CDKAL1: variants seen among roughly 807,000 people sequenced by gnomAD.
The protein encoded by CDKAL1 is CDKAL1 threonylcarbamoyladenosine tRNA methylthiotransferase.
CDKAL1 carries 32 observed loss-of-function variants against 68.2 expected under a neutral mutation model. The ratio of observed to expected loss-of-function variants is 0.47; its 90% CI spans 0.35 to 0.63. The LOEUF (loss-of-function observed/expected upper bound fraction) is 0.63. Among genes scored for constraint, CDKAL1 ranks in the 30% least tolerant of loss-of-function variants. The probability of loss-of-function intolerance (pLI) is 0.00; values close to 1 mark genes in which losing one functional copy is unlikely to be tolerated. For synonymous variants in CDKAL1, 234 were observed against 244.3 expected (o/e 0.96, Z 0.39); for missense variants, 606 against 696.7 (o/e 0.87, Z 1.47).
chr6:20,983,170 A>T (rs925819676), intron 10 of CDKAL1, among the ~76,000 whole-genome samples: 14 of 152,168 alleles, frequency 9.2e-5, no homozygotes, highest in Admixed American at 5.9e-4. Flanking sequence ...TTGTTGCCTT[A>T]TAAAAAATAT....
intron 4 of CDKAL1, among the ~76,000 whole-genome samples, chr6:20,585,397 G>C (rs1765309969): frequency 6.6e-6 from 1 of 152,014 alleles, no homozygotes; most frequent in Middle Eastern, 3.2e-3. Context: ...CCAACTTCCT[G>C]ATACCACGTT....
intron 7 of CDKAL1, among the ~76,000 whole-genome samples, chr6:20,759,279 T>C (rs577571145): frequency 2.2e-4 from 34 of 152,284 alleles, no homozygotes; most frequent in Admixed American, 1.5e-3. Context: ...CAGTGGTTCA[T>C]GCCTGTAATC....
chr6:20,725,583 A>G (rs538175650), intron 5 of CDKAL1, among the ~76,000 whole-genome samples: 38 of 152,040 alleles, frequency 2.5e-4, no homozygotes, highest in Admixed American at 2.0e-3. Context: ...TCAGGAGTTC[A>G]AGACCAGCCT....
At chr6:20,559,139 A>G (rs1298566846) in intron 4 of CDKAL1, 1 of 152,324 alleles carries the variant, frequency 6.6e-6, no homozygotes, top group South Asian at 2.1e-4. Context: ...TTTTGAACCA[A>G]GAGACTACTG....
intron 11 of CDKAL1, among the ~76,000 whole-genome samples, chr6:21,014,977 T>G (rs574720655): frequency 6.6e-6 from 1 of 152,324 alleles, no homozygotes; most frequent in East Asian, 1.9e-4. Context: ...CATTCTAGAT[T>G]TCCTTATTGT....
chr6:20,870,657 G>C (rs982893230), intron 9 of CDKAL1, among the ~76,000 whole-genome samples: 1 of 152,180 alleles, frequency 6.6e-6, no homozygotes, highest in Non-Finnish European at 1.5e-5. Context: ...TACAGGCTGT[G>C]AGTATAGGAA....
chr6:20,934,142 G>A (rs1373664866), intron 9 of CDKAL1, among the ~76,000 whole-genome samples: 1 of 152,152 alleles, frequency 6.6e-6, no homozygotes, highest in African/African-American at 2.4e-5. Flanking sequence ...CAATATGATT[G>A]AAGGCATGGC....
chr6:20,750,982 A>AAAAAG (rs1773897263), intron 6 of CDKAL1, among the ~76,000 whole-genome samples: 1 of 110,288 alleles, frequency 9.1e-6, no homozygotes, highest in Non-Finnish European at 2.0e-5. Flanking sequence ...AAAAAAAAAA[A>AAAAAG]AAAGAAGTAA....
intron 9 of CDKAL1, among the ~76,000 whole-genome samples, chr6:20,901,795 G>C (rs900396803): frequency 6.8e-6 from 1 of 146,538 alleles, no homozygotes; most frequent in Non-Finnish European, 1.5e-5. Flanking sequence ...GTTTTTTTCT[G>C]AGACAGAGTC....
intron 12 of CDKAL1, among the ~76,000 whole-genome samples, chr6:21,074,898 G>T (rs1232179202): frequency 6.6e-6 from 1 of 151,694 alleles, no homozygotes; most frequent in Non-Finnish European, 1.5e-5. Flanking sequence ...AGGTTTTAGT[G>T]CACCCATCAT....
chr6:21,147,360 G>A (rs973881048), intron 13 of CDKAL1, among the ~76,000 whole-genome samples: 2 of 152,100 alleles, frequency 1.3e-5, no homozygotes, highest in Admixed American at 6.5e-5. Flanking sequence ...CGTAACACCC[G>A]AGTAACTAAC....
intron 12 of CDKAL1, among the ~76,000 whole-genome samples, chr6:21,066,833 C>T (rs1254434025): frequency 6.6e-6 from 1 of 151,894 alleles, no homozygotes; most frequent in East Asian, 1.9e-4. Context: ...ACTATGTGGC[C>T]CAGGTTGGTC....
intron 9 of CDKAL1, among the ~76,000 whole-genome samples, chr6:20,927,217 A>G (rs1763227950): frequency 6.6e-6 from 1 of 152,174 alleles, no homozygotes; most frequent in African/African-American, 2.4e-5. Context: ...TGGGAAGAAT[A>G]CATTAAAATA....
chr6:20,803,183 G>A lies in CDKAL1; in HGVS notation c.638+21918G>A, dbSNP rs1044149841. Among the ~76,000 whole-genome samples the A allele has an allele frequency of 3.3e-5, 5 of 152,328 alleles. No individual in the cohort carries two copies. In the East Asian group the frequency reaches 5.8e-4, roughly 18 times the overall value. ...GGGTTCCAGAGAGTTTGCAAACAAG[G>A]TAGAGGAACAGTGTTATTAGGAAGA... On this transcript the variant is annotated intron_variant, in intron 8 of 15. Coordinates refer to ENST00000274695, the MANE Select transcript of CDKAL1 (RefSeq NM_017774.3).
At chr6:20,624,373 GT>G (rs5874776) in intron 4 of CDKAL1, among the ~76,000 whole-genome samples, 74,122 of 151,658 alleles carry the variant, frequency 0.49, 18,278 homozygotes, top group East Asian at 0.64. Flanking sequence ...CGATTTTTAA[GT>G]TTTTTCCCCC....
intron 5 of CDKAL1, among the ~76,000 whole-genome samples, chr6:20,681,785 G>A (rs1053682335): frequency 2.6e-5 from 4 of 152,108 alleles, no homozygotes; most frequent in South Asian, 2.1e-4. Context: ...GGATAGTATC[G>A]ATACTGCCTC....
chr6:21,213,829 T>C (rs933651014), intron 15 of CDKAL1, among the ~76,000 whole-genome samples: 3 of 152,154 alleles, frequency 2.0e-5, no homozygotes, highest in Non-Finnish European at 2.9e-5. Flanking sequence ...GAGCATTCCG[T>C]ATATAGCCAA....
At chr6:21,146,768 A>G (rs1158961387) in intron 13 of CDKAL1, among the ~76,000 whole-genome samples, 4 of 149,490 alleles carry the variant, frequency 2.7e-5, no homozygotes, top group African/African-American at 7.4e-5. Flanking sequence ...GGAGAATGGC[A>G]TGAACCCAGG....
intron 15 of CDKAL1, among the ~76,000 whole-genome samples, chr6:21,225,002 G>T (rs1010913284): frequency 1.3e-5 from 2 of 152,142 alleles, no homozygotes; most frequent in African/African-American, 4.8e-5. Flanking sequence ...GGTAGCAATG[G>T]CAGTATGCAT....
Sources: allele counts gnomAD v4.1 joint callset (sites outside exome capture counted in the v4.1 genomes callset), GRCh38; gene constraint gnomAD v4.1.1; transcripts MANE v1.5; gene names NCBI Gene and HGNC (gene_info 2026-07-23, HGNC 2026-07-21).